The following DNAI4 variants were observed in gnomAD, a reference collection of about 807,000 sequenced individuals.
The protein encoded by DNAI4 is dynein axonemal intermediate chain 4, also known as WD repeat domain 78.
DNAI4 carries 85 observed loss-of-function variants against 105.8 expected under a neutral mutation model. The observed-to-expected ratio is 0.80, with a 90% CI of 0.67 to 0.96. The LOEUF (loss-of-function observed/expected upper bound fraction) is 0.96. Among genes scored for constraint, DNAI4 ranks in the 40% least tolerant of loss-of-function variants. The pLI is 0.00. For missense variants in DNAI4, 1,014 were observed against 1,005.6 expected (o/e 1.01, Z -0.11); for synonymous variants, 352 against 331.5 (o/e 1.06, Z -0.67).
At chr1:66,897,495 GGAA>G (rs1337775618) in intron 2 of DNAI4, among the ~76,000 whole-genome samples, 2 of 152,164 alleles carry the variant, frequency 1.3e-5, no homozygotes, top group Non-Finnish European at 2.9e-5. Context: ...TAAAGACAGT[GGAA>G]GAAGACTCCA....
chr1:66,894,332 T>G (rs1213324231), intron 2 of DNAI4, among the ~76,000 whole-genome samples: 2 of 152,140 alleles, frequency 1.3e-5, no homozygotes, highest in African/African-American at 2.4e-5. Context: ...GATTTCCGTT[T>G]GGAGGGGGAG....
intron 4 of DNAI4, among the ~76,000 whole-genome samples, chr1:66,882,325 A>G (rs1647090847): frequency 6.6e-6 from 1 of 152,236 alleles, no homozygotes. Flanking sequence ...AAAAAGTCCA[A>G]TTCTACCAAT....
chr1:66,827,282 T>G (rs185345589), intron 14 of DNAI4, among the ~76,000 whole-genome samples: 1 of 152,042 alleles, frequency 6.6e-6, no homozygotes, highest in Non-Finnish European at 1.5e-5. Flanking sequence ...TTATGCATAC[T>G]TTGAAAAAAT....
At chr1:66,885,559 TC>T (rs1256144881) in intron 4 of DNAI4, among the ~76,000 whole-genome samples, 1 of 152,172 alleles carries the variant, frequency 6.6e-6, no homozygotes, top group African/African-American at 2.4e-5. Context: ...GTAATTTATA[TC>T]CTTGTTCTTC....
chr1:66,849,569 C>T (rs1242439298), intron 7 of DNAI4, among the ~76,000 whole-genome samples: 1 of 152,184 alleles, frequency 6.6e-6, no homozygotes, highest in African/African-American at 2.4e-5. Context: ...AGCCCCTATA[C>T]ACCAACATCA....
chr1:66,890,377 A>G lies in DNAI4; in HGVS notation c.643+777T>C, dbSNP rs1647491284. ...TTTGGGAGGCTGAGGCAGGCAAATC[A>G]TTTGAGGTCAGAAGTTTGAAACCAG... On this transcript the variant is annotated intron_variant, in intron 4 of 16. Coordinates refer to ENST00000371026, the MANE Select transcript of DNAI4 (RefSeq NM_024763.5). This position sits in a 1 kb window ranked among gnomAD's most constrained non-coding sequence, Gnocchi z 4.1. 6.6e-6 allele frequency: 1 copy of G among 152,570 alleles called. No individual in the cohort carries two copies. Among genetic ancestry groups the G allele is most frequent in the African/African-American group, 2.4e-5 (1 of 41,376 alleles). The allele number at this position is 152,570 out of a possible 1,614,324, so 9.5% of individuals were successfully genotyped here.
chr1:66,831,412 A>G (rs1035666713), intron 13 of DNAI4, among the ~76,000 whole-genome samples: 5 of 150,068 alleles, frequency 3.3e-5, no homozygotes, highest in Admixed American at 6.6e-5. Flanking sequence ...TATCAAATGT[A>G]TTCGTATATT....
chr1:66,848,324 T>G lies in DNAI4; in HGVS notation c.1097-646A>C, dbSNP rs74350972. On this transcript the variant is annotated intron_variant, in intron 7 of 16. Coordinates refer to ENST00000371026, the MANE Select transcript of DNAI4 (RefSeq NM_024763.5). ...TCCCAGACCACAGCTGGAAAAGATC[T>G]TTTACTTTTTAGTACCCCATGTGAT... The G allele has an allele frequency of 2.5e-4, 112 of 452,742 alleles. 1 individual carries two copies. In the East Asian group the frequency reaches 5.3e-3, roughly 21 times the overall value. 28.0% of individuals were successfully genotyped at this position (452,742 alleles called of 1,614,324 possible).
intron 2 of DNAI4, among the ~76,000 whole-genome samples, chr1:66,897,008 AC>A (rs1648391947): frequency 6.6e-6 from 1 of 151,860 alleles, no homozygotes; most frequent in African/African-American, 2.4e-5. Flanking sequence ...CATAAACAGC[AC>A]TAAGGGTGAT....
chr1:66,881,455 G>A lies in DNAI4; in HGVS notation c.644-6518C>T, dbSNP rs369123387. Among the ~76,000 whole-genome samples the A allele has an allele frequency of 2.6e-5, 4 of 152,242 alleles. No individual in the cohort carries two copies. The East Asian group carries it at 5.8e-4, about 22-fold the overall frequency. ...CCTCTTGCATCAGTGTGACCCGGAT[G>A]CAAGATACGGAGTGAAAAGAGATCA... On this transcript the variant is annotated intron_variant, in intron 4 of 16. Coordinates refer to ENST00000371026, the MANE Select transcript of DNAI4 (RefSeq NM_024763.5).
chr1:66,873,178 TTCTCCCTCTCCTTCTCCC>T (rs1434573479), intron 5 of DNAI4, among the ~76,000 whole-genome samples: 15 of 151,480 alleles, frequency 9.9e-5, no homozygotes, highest in Non-Finnish European at 1.8e-4. Flanking sequence ...CTCCCTTTCC[TTCTCCCTCTCCTTCTCCC>T]TCTCCCTCTC....
intron 13 of DNAI4, among the ~76,000 whole-genome samples, chr1:66,829,017 T>C (rs1366174989): frequency 3.3e-5 from 5 of 152,142 alleles, no homozygotes; most frequent in Non-Finnish European, 1.5e-5. Context: ...TAGGGAGTGC[T>C]CTCAGGAACA....
At position 66,892,957 on chromosome 1, in the gene DNAI4, G is replaced by A. The variant is rs1233770294; in HGVS notation, c.530+272C>T. ...GAAGAAAGAGAAGAAAGAGAAGAAA[G>A]AAAGAAAGAAAGAAAGAAAGAAAGA... On this transcript the variant is annotated intron_variant, in intron 3 of 16. Transcript: ENST00000371026. Among the ~76,000 whole-genome samples the A allele has an allele frequency of 8.7e-3, 905 of 103,944 alleles. 20 individuals are homozygous for A. The highest frequency in any genetic ancestry group is 0.037 in the African/African-American group (870 of 23,434). The allele number at this position is 103,944 out of a possible 152,430, so 68.2% of individuals were successfully genotyped here.
At chr1:66,848,501 T>G (rs1465426819) in intron 7 of DNAI4, among the ~76,000 whole-genome samples, 1 of 152,254 alleles carries the variant, frequency 6.6e-6, no homozygotes, top group Non-Finnish European at 1.5e-5. Context: ...ACTATTGTTC[T>G]GCCTACTGCA....
chr1:66,916,836 T>C (rs1489805855), intron 1 of DNAI4, among the ~76,000 whole-genome samples: 1 of 152,098 alleles, frequency 6.6e-6, no homozygotes, highest in Admixed American at 6.5e-5. Context: ...CTGTTTTAAT[T>C]AGGGCTTGTT....
intron 8 of DNAI4, among the ~76,000 whole-genome samples, chr1:66,847,144 T>C (rs761178507): frequency 2.0e-5 from 3 of 152,230 alleles, no homozygotes; most frequent in Non-Finnish European, 2.9e-5. Context: ...CATCCTAGTC[T>C]GGACTCTAGT....
intron 5 of DNAI4, among the ~76,000 whole-genome samples, chr1:66,873,479 G>A (rs1646893239): frequency 1.3e-5 from 2 of 152,150 alleles, no homozygotes; most frequent in Non-Finnish European, 2.9e-5. Context: ...ACAAACTCCT[G>A]GGCTCAAGCC....
At chr1:66,923,058 T>G (rs1192871593) in intron 1 of DNAI4, among the ~76,000 whole-genome samples, 2 of 152,194 alleles carry the variant, frequency 1.3e-5, no homozygotes, top group Non-Finnish European at 2.9e-5. Context: ...TCCTATTGTC[T>G]AACAACGTTG....
At chr1:66,907,732 A>C (rs2100841956) in intron 1 of DNAI4, among the ~76,000 whole-genome samples, 1 of 152,324 alleles carries the variant, frequency 6.6e-6, no homozygotes, top group South Asian at 2.1e-4. Flanking sequence ...TAATCCTTCA[A>C]ATACCCTGAC....
Sources: allele counts gnomAD v4.1 joint callset (sites outside exome capture counted in the v4.1 genomes callset), GRCh38; gene constraint gnomAD v4.1.1; non-coding constraint Gnocchi (gnomAD v3.1); transcripts MANE v1.5; gene names NCBI Gene and HGNC (gene_info 2026-07-23, HGNC 2026-07-21).